TGFBR3: variants seen among roughly 807,000 people sequenced by gnomAD.
TGFBR3 encodes the protein transforming growth factor beta receptor type 3.
In TGFBR3, 46 loss-of-function variants were observed where a neutral mutation model predicts 87.9. That is an observed-to-expected ratio of 0.52 (90% CI 0.41 to 0.67). TGFBR3 has a LOEUF of 0.67. Ranked by LOEUF, TGFBR3 falls within the 30% of genes least tolerant of loss-of-function variation. The pLI is 0.00. For missense variants in TGFBR3, 866 were observed against 1,041.9 expected, an observed-to-expected ratio of 0.83 and a Z score of 2.32; for synonymous variants, 381 against 391.6, an observed-to-expected ratio of 0.97 and a Z score of 0.32.
chr1:91,780,652 C>T (rs552743728), intron 3 of TGFBR3, among the ~76,000 whole-genome samples: 17 of 150,408 alleles, frequency 1.1e-4, no homozygotes, highest in African/African-American at 3.9e-4. Flanking sequence ...CTCTGCCTCC[C>T]GGGCTCAAGC....
intron 2 of TGFBR3, among the ~76,000 whole-genome samples, chr1:91,829,166 A>G (rs1676758079): frequency 6.6e-6 from 1 of 152,076 alleles, no homozygotes; most frequent in South Asian, 2.1e-4. Context: ...ACTTGAGGTC[A>G]GGAGTTCAAG....
chr1:91,817,148 G>A (rs1263989026), intron 2 of TGFBR3, among the ~76,000 whole-genome samples: 1 of 152,144 alleles, frequency 6.6e-6, no homozygotes, highest in Non-Finnish European at 1.5e-5. Flanking sequence ...TTCACCTCCA[G>A]CCTGACTTTA....
intron 2 of TGFBR3, among the ~76,000 whole-genome samples, chr1:91,843,043 T>G (rs565280848): frequency 1.3e-5 from 2 of 152,346 alleles, no homozygotes; most frequent in Admixed American, 1.3e-4. Flanking sequence ...CAATAAAGTC[T>G]GTTTAACAGC....
intron 3 of TGFBR3, among the ~76,000 whole-genome samples, chr1:91,796,238 C>T (rs1006700678): frequency 1.3e-5 from 2 of 152,150 alleles, no homozygotes; most frequent in Non-Finnish European, 2.9e-5. Context: ...TGACCATTCA[C>T]CCACAATCTA....
At position 91,746,072 on chromosome 1, in the gene TGFBR3, T is replaced by A. The variant is rs192384811; in HGVS notation, c.385-11113A>T. Among the ~76,000 whole-genome samples the A allele has an allele frequency of 7.7e-4, 117 of 152,266 alleles. 1 individual carries two copies. Among genetic ancestry groups the A allele is most frequent in the African/African-American group, 2.6e-3 (110 of 41,540 alleles). On this transcript the variant is annotated intron_variant, in intron 4 of 16. Coordinates refer to ENST00000212355, the MANE Select transcript of TGFBR3 (RefSeq NM_003243.5). The stretch of plus-strand genomic sequence containing the variant: ...TGCTGAAATATAAAAAAAACCTAAA[T>A]GACTGAAACCGCCCCATGTTCTTAA...
intron 5 of TGFBR3, among the ~76,000 whole-genome samples, chr1:91,732,713 G>A (rs972403594): frequency 6.6e-6 from 1 of 152,154 alleles, no homozygotes; most frequent in Non-Finnish European, 1.5e-5. Context: ...GGTGGCTGGA[G>A]TCAAGTTTCA....
chr1:91,800,328 A>ATGTGTG (rs386417805), intron 2 of TGFBR3, among the ~76,000 whole-genome samples: 2,644 of 122,436 alleles, frequency 0.022, 37 homozygotes, highest in Non-Finnish European at 0.025. Context: ...ATATATGTGT[A>ATGTGTG]TATGTGTGTG....
At chr1:91,706,085 C>T (rs1353370768) in intron 14 of TGFBR3, among the ~76,000 whole-genome samples, 1 of 152,198 alleles carries the variant, frequency 6.6e-6, no homozygotes, top group African/African-American at 2.4e-5. Context: ...CCTTCAATTA[C>T]TAGCAGAATT....
At chr1:91,852,163 C>T (rs1033248815) in intron 2 of TGFBR3, among the ~76,000 whole-genome samples, 1 of 152,078 alleles carries the variant, frequency 6.6e-6, no homozygotes, top group Non-Finnish European at 1.5e-5. Context: ...GTGGGAGGAT[C>T]GTTTGAGCCC....
At position 91,779,258 on chromosome 1, in the gene TGFBR3, T is replaced by C. The variant is rs532453729; in HGVS notation, c.246+18029A>G. ...TAACAATGATAGCAGCTGACATTTATGGAGTGCTGATGATATTCCACGCAC... is the reference window on the plus strand; with the variant it reads ...TAACAATGATAGCAGCTGACATTTACGGAGTGCTGATGATATTCCACGCAC... On this transcript the variant is annotated intron_variant, in intron 3 of 16. Coordinates refer to ENST00000212355, the MANE Select transcript of TGFBR3 (RefSeq NM_003243.5). 4.6e-5 allele frequency among the ~76,000 whole-genome samples: 7 copies of C among 152,358 alleles called. No individual in the cohort carries two copies. In the South Asian group the frequency reaches 1.2e-3, roughly 27 times the overall value.
intron 3 of TGFBR3, among the ~76,000 whole-genome samples, chr1:91,794,720 T>C (rs1362279371): frequency 6.6e-6 from 1 of 152,238 alleles, no homozygotes; most frequent in African/African-American, 2.4e-5. Flanking sequence ...CCTATCAGTA[T>C]GCCATCCTTT....
intron 3 of TGFBR3, among the ~76,000 whole-genome samples, chr1:91,785,157 AAAC>A (rs1387055801): frequency 1.3e-5 from 2 of 152,290 alleles, no homozygotes; most frequent in East Asian, 3.8e-4. Flanking sequence ...AAAAGGAATG[AAAC>A]AACTGATACA....
intron 2 of TGFBR3, among the ~76,000 whole-genome samples, chr1:91,853,643 A>T (rs1677826110): frequency 6.6e-6 from 1 of 152,218 alleles, no homozygotes; most frequent in Non-Finnish European, 1.5e-5. Context: ...CATGGAGGAC[A>T]TTATGCTCAG....
chr1:91,802,077 G>C (rs1468302309), intron 2 of TGFBR3, among the ~76,000 whole-genome samples: 1 of 152,174 alleles, frequency 6.6e-6, no homozygotes, highest in Non-Finnish European at 1.5e-5. Context: ...CACAGTGTAG[G>C]AATCAGGGGA....
At chr1:91,879,138 C>T (rs1452617512) in intron 1 of TGFBR3, among the ~76,000 whole-genome samples, 1 of 151,698 alleles carries the variant, frequency 6.6e-6, no homozygotes, top group Non-Finnish European at 1.5e-5. Context: ...ATGTGGTGGC[C>T]CCCGCCTGTA....
chr1:91,723,480 T>TAAAAAAAAAA (rs58578681), intron 7 of TGFBR3, among the ~76,000 whole-genome samples: 6 of 109,124 alleles, frequency 5.5e-5, no homozygotes, highest in Admixed American at 9.5e-5. Context: ...GACCCTGCCT[T>TAAAAAAAAAA]AAAAAAAAAA....
chr1:91,763,386 G>A (rs1557698101), intron 3 of TGFBR3, among the ~76,000 whole-genome samples: 1 of 152,120 alleles, frequency 6.6e-6, no homozygotes, highest in Non-Finnish European at 1.5e-5. Context: ...AGCCCCTGTG[G>A]GCTGTTCATG....
At chr1:91,739,480 T>C (rs1311999182) in intron 4 of TGFBR3, among the ~76,000 whole-genome samples, 1 of 152,178 alleles carries the variant, frequency 6.6e-6, no homozygotes, top group Non-Finnish European at 1.5e-5. Flanking sequence ...CTATAAATAA[T>C]TAAATTTTAT....
At chr1:91,819,385 C>T (rs1468472824) in intron 2 of TGFBR3, among the ~76,000 whole-genome samples, 1 of 151,790 alleles carries the variant, frequency 6.6e-6, no homozygotes, top group East Asian at 1.9e-4. Flanking sequence ...AAAAAAATCC[C>T]GACCATCATC....
Sources: allele counts gnomAD v4.1 joint callset (sites outside exome capture counted in the v4.1 genomes callset), GRCh38; gene constraint gnomAD v4.1.1; transcripts MANE v1.5; gene names NCBI Gene and HGNC (gene_info 2026-07-23, HGNC 2026-07-21).